Variants in BCLAF1 observed in about 807,000 individuals in gnomAD.
BCLAF1 encodes bcl-2-associated transcription factor 1.
A neutral mutation model predicts 99.5 loss-of-function variants in BCLAF1; 10 were observed. That is an observed-to-expected ratio of 0.10 (90% CI 0.06 to 0.17). BCLAF1 has a LOEUF of 0.17. Ranked by LOEUF, BCLAF1 falls within the 10% of genes least tolerant of loss-of-function variation. The pLI is 1.00. For missense variants in BCLAF1, 636 were observed against 1,105.8 expected (o/e 0.58, Z 6.02); for synonymous variants, 255 against 370.9 (o/e 0.69, Z 3.59).
chr6:136,269,427 G>A lies in BCLAF1; in HGVS notation c.2219+10C>T. On this transcript the variant is annotated intron_variant, in intron 9 of 12. Transcript: ENST00000531224. ...AGCTAAAACCTATCTTAGTCAGTTT[G>A]AACAATTACCTGTCATCTTTGTAAG... 1 of 1,602,070 alleles carries A rather than the reference G, an allele frequency of 6.2e-7. No individual in the cohort carries two copies. Among genetic ancestry groups the A allele is most frequent in the Non-Finnish European group, 8.5e-7 (1 of 1,175,246 alleles).
intron 8 of BCLAF1, among the ~76,000 whole-genome samples, chr6:136,271,645 T>C (rs1782542746): frequency 6.6e-6 from 1 of 151,918 alleles, no homozygotes; most frequent in African/African-American, 2.4e-5. Flanking sequence ...GACACACAAA[T>C]CGAGAAATAT....
At chr6:136,279,376 TTA>T (rs1752518889) in intron 3 of BCLAF1, 1 of 153,372 alleles carries the variant, frequency 6.5e-6, no homozygotes, top group African/African-American at 2.4e-5. Flanking sequence ...ACAAAAAAAA[TTA>T]TTTTGTTAGA....
chr6:136,284,130 G>GTGTGTATATATATATATATATATATA (rs36141174), intron 1 of BCLAF1, among the ~76,000 whole-genome samples: 4 of 122,096 alleles, frequency 3.3e-5, no homozygotes, highest in African/African-American at 1.6e-4. Context: ...GTGTGTGTGT[G>GTGTGTATATATATATATATATATATA]TATATATATA....
chr6:136,264,455 T>A (rs1781453128), intron 11 of BCLAF1, among the ~76,000 whole-genome samples: 1 of 152,182 alleles, frequency 6.6e-6, no homozygotes, highest in African/African-American at 2.4e-5. Flanking sequence ...TCCACCTGTC[T>A]CAGCCTCCCA....
chr6:136,261,270 C>G lies in BCLAF1; in HGVS notation c.2752G>C (p.Glu918Gln). 1.2e-6 allele frequency: 2 copies of G among 1,612,386 alleles called. No individual in the cohort carries two copies. Among genetic ancestry groups the G allele is most frequent in the Non-Finnish European group, 1.7e-6 (2 of 1,179,500 alleles). Residue 918 changes from glutamate (E) to glutamine (Q), a missense_variant, in exon 12 of 13, where the codon GAA becomes CAA. Around this residue, in one of 9 missense-constraint regions of BCLAF1, gnomAD observed 57 missense variants for 116.7 expected, o/e 0.49. Transcript: ENST00000531224. ...NEEKKDRRKEEKE is the reference protein window; with the variant it reads ...NEEKKDRRKEQKE ...CACAAGTTGAAATTTTATACCTTTT[C>G]TTCCTTGCGTCTGTCCTTCTTTTCT...
chr6:136,277,622 G>A (rs1227918740), intron 4 of BCLAF1, among the ~76,000 whole-genome samples: 1 of 152,074 alleles, frequency 6.6e-6, no homozygotes, highest in Non-Finnish European at 1.5e-5. Flanking sequence ...GAACTCCTGG[G>A]CTCAAGAGAT....
At position 136,278,765 on chromosome 6, in the gene BCLAF1, C is replaced by T. The variant is rs1305146588; in HGVS notation, c.116G>A (p.Arg39His). Residue 39 changes from arginine to histidine, a missense_variant, in exon 4 of 13, where the codon CGT becomes CAT. Physicochemically the swap from Arg to His is conservative, Grantham distance 29. This residue lies in a region of BCLAF1 where 81 missense variants were observed against 132.5 expected (regional missense o/e 0.61). Transcript: ENST00000531224. ...ACGAGACCTTGAATATGTTCTGGAA[C>T]GAGACCTAGAACTAAAAATGAAATA... ...SRKKRYSSRS[R>H]SRTYSRSRSR... 1.3e-6 allele frequency: 2 copies of T among 1,538,116 alleles called. No individual in the cohort carries two copies. Among genetic ancestry groups the T allele is most frequent in the Non-Finnish European group, 1.7e-6 (2 of 1,145,172 alleles).
chr6:136,257,560 A>G lies in BCLAF1; in HGVS notation c.*3550T>C, dbSNP rs1043474200. On this transcript the variant is annotated 3_prime_UTR_variant, in exon 13 of 13. Coordinates refer to ENST00000531224, the MANE Select transcript of BCLAF1 (RefSeq NM_014739.3). Reference sequence around the variant, plus strand: ...TAAGAAATGTAAAACTTGTTCATTTAAACTTCATTAGGACAGTGTACTAAT... The same window carrying G: ...TAAGAAATGTAAAACTTGTTCATTTGAACTTCATTAGGACAGTGTACTAAT... 6.6e-6 allele frequency: 1 copy of G among 152,208 alleles called. No individual in the cohort carries two copies. The highest frequency in any genetic ancestry group is 1.5e-5 in the Non-Finnish European group (1 of 68,008). 9.4% of individuals were successfully genotyped at this position (152,208 alleles called of 1,614,324 possible).
intron 1 of BCLAF1, among the ~76,000 whole-genome samples, chr6:136,284,151 TA>T (rs1284560821): frequency 6.8e-6 from 1 of 146,264 alleles, no homozygotes; most frequent in East Asian, 2.0e-4. Flanking sequence ...TATATATATA[TA>T]TATATATCCA....
At chr6:136,277,499 A>T (rs1423230904) in intron 4 of BCLAF1, among the ~76,000 whole-genome samples, 1 of 152,150 alleles carries the variant, frequency 6.6e-6, no homozygotes, top group East Asian at 1.9e-4. Flanking sequence ...AAATGGTAAA[A>T]TTAAGAGGAG....
At position 136,259,234 on chromosome 6, in the gene BCLAF1, A is replaced by C. The variant is rs1225754588; in HGVS notation, c.*1876T>G. On this transcript the variant is annotated 3_prime_UTR_variant, in exon 13 of 13. Coordinates refer to ENST00000531224, the MANE Select transcript of BCLAF1 (RefSeq NM_014739.3). ...GGTTAAAGCAATGCATTTGAACTTA[A>C]AATATAACCTGCCCACAGGAATTAA... 1 of 152,052 alleles carries C rather than the reference A, an allele frequency of 6.6e-6. No individual in the cohort carries two copies. Among genetic ancestry groups the C allele is most frequent in the Non-Finnish European group, 1.5e-5 (1 of 67,884 alleles). The allele number at this position is 152,052 out of a possible 1,614,324, so 9.4% of individuals were successfully genotyped here. A position where few individuals can be genotyped will look rare whatever the true frequency, so the allele number is the denominator to read the frequency against.
rs924619754 is a variant in BCLAF1, at chr6:136,256,812, A to C, written c.*4298T>G. The C allele has an allele frequency of 6.6e-6, 1 of 152,286 alleles. No homozygotes were observed. Among genetic ancestry groups the C allele is most frequent in the Non-Finnish European group, 1.5e-5 (1 of 68,082 alleles). 9.4% of individuals were successfully genotyped at this position (152,286 alleles called of 1,614,324 possible). ...CCTTCTAGTACAAATGAGACTGAAA[A>C]ATTATTTTCCATAGTGAAGGACTCA... On this transcript the variant is annotated 3_prime_UTR_variant, in exon 13 of 13. Coordinates refer to ENST00000531224, the MANE Select transcript of BCLAF1 (RefSeq NM_014739.3).
Position 136,275,552 on chromosome 6 carries a change from G to A in BCLAF1, c.1832C>T (p.Ser611Phe), listed in dbSNP as rs746924487. The A allele has an allele frequency of 4.7e-5, 74 of 1,564,526 alleles. No individual in the cohort carries two copies. Among genetic ancestry groups the A allele is most frequent in the Non-Finnish European group, 6.1e-5 (71 of 1,160,464 alleles). Reference protein sequence around the residue: ...TSESFIQHIVSLVHHVKEQYF... With the variant: ...TSESFIQHIVFLVHHVKEQYF... ...CATACCTTTAACATGATGAACCAAG[G>A]ACACAATGTGTTGAATAAATGACTC... Residue 611 changes from serine to phenylalanine, a missense_variant, in exon 6 of 13, where the codon TCC becomes TTC. Ser to Phe is a radical substitution (Grantham distance 155). Coordinates refer to ENST00000531224, the MANE Select transcript of BCLAF1 (RefSeq NM_014739.3).
intron 7 of BCLAF1, among the ~76,000 whole-genome samples, chr6:136,272,871 G>A (rs909432296): frequency 2.0e-5 from 3 of 151,842 alleles, no homozygotes; most frequent in Admixed American, 6.6e-5. Context: ...AGTAATAAGA[G>A]TTAATATTTC....
At chr6:136,263,704 C>T (rs937010003) in intron 11 of BCLAF1, among the ~76,000 whole-genome samples, 1 of 152,152 alleles carries the variant, frequency 6.6e-6, no homozygotes, top group African/African-American at 2.4e-5. Context: ...CCTGAACCCC[C>T]TTCCCCACCA....
chr6:136,264,042 ACT>A (rs1781388762), intron 11 of BCLAF1, among the ~76,000 whole-genome samples: 1 of 152,212 alleles, frequency 6.6e-6, no homozygotes, highest in East Asian at 1.9e-4. Flanking sequence ...TAGCCACATA[ACT>A]CTGCTTAAGC....
intron 1 of BCLAF1, among the ~76,000 whole-genome samples, chr6:136,284,130 G>GTATATATATATGTA (rs1554220649): frequency 4.1e-5 from 5 of 122,120 alleles, no homozygotes; most frequent in African/African-American, 2.0e-4. Context: ...GTGTGTGTGT[G>GTATATATATATGTA]TATATATATA....
intron 4 of BCLAF1, 34 bp from the exon 5 acceptor site, chr6:136,276,542 G>A (rs1783441457): frequency 6.4e-7 from 1 of 1,551,616 alleles, no homozygotes; most frequent in Non-Finnish European, 8.6e-7. Flanking sequence ...TAGTAACTCT[G>A]GATTGCATTC....
chr6:136,286,460 G>A (rs1785143932), intron 1 of BCLAF1, among the ~76,000 whole-genome samples: 2 of 152,160 alleles, frequency 1.3e-5, no homozygotes, highest in Admixed American at 6.5e-5. Context: ...ACAAGTACAG[G>A]GTTAAATGAA....
Sources: gnomAD v4.1 joint callset for allele counts (sites outside exome capture counted in the v4.1 genomes callset) on GRCh38, gnomAD v4.1.1 for gene constraint, gnomAD v4.1.1 regional missense constraint, MANE v1.5 for transcripts, NCBI Gene and HGNC (gene_info 2026-07-23, HGNC 2026-07-21) for gene names.